AP3B2: variants seen among roughly 807,000 people sequenced by gnomAD.
AP3B2 encodes adaptor related protein complex 3 subunit beta 2, also known as AP-3 complex subunit beta-2.
Under a neutral mutation model 126.9 loss-of-function variants are expected in AP3B2, and 50 were observed. That is an observed-to-expected ratio of 0.39 (90% CI 0.31 to 0.50). AP3B2 has a LOEUF of 0.50. AP3B2 is among the 20% of genes least tolerant of loss of function. AP3B2 has a pLI of 0.79. For missense variants in AP3B2, 1,177 were observed against 1,426.4 expected, an observed-to-expected ratio of 0.83 and a Z score of 2.82; for synonymous variants, 541 against 565.0, an observed-to-expected ratio of 0.96 and a Z score of 0.60.
At chr15:82,678,258 A>G in intron 10 of AP3B2, 91 bp from the exon 11 acceptor site, 1 of 1,240,150 alleles carries the variant, frequency 8.1e-7, no homozygotes, top group Non-Finnish European at 1.2e-6. Context: ...AGACCAGAAA[A>G]CAATCCTCAT....
Position 82,688,787 on chromosome 15 carries a change from C to T in AP3B2, c.309G>A (p.Glu103=), listed in dbSNP as rs142080998. 722 of 1,613,122 alleles carry T rather than the reference C, an allele frequency of 4.5e-4. 8 individuals are homozygous for T. The East Asian group carries it at 0.014, about 32-fold the overall frequency. Residue 103 remains glutamate, a synonymous_variant, in exon 4 of 27, where the codon GAG becomes GAA. Coordinates refer to ENST00000535359, the MANE Select transcript of AP3B2 (RefSeq NM_001278512.2). ...TGGACAGCAGGGCCAGGTCTTGCTG[C>T]TCCTCAGCGTAGCGTACCAGGTACA... The part of the protein sequence containing the change: ...VYVYLVRYAE[E]QQDLALLSIS...
Position 82,665,620 on chromosome 15 carries a change from A to G in AP3B2, c.1853-45T>C. The stretch of plus-strand genomic sequence containing the variant: ...TCAGGCAGGTAGCAGCAGTGAGGGA[A>G]AGCTCTGGGAGCTGTTTTCCAGGTG... On this transcript the variant is annotated intron_variant, in intron 15 of 26. Coordinates refer to ENST00000535359, the MANE Select transcript of AP3B2 (RefSeq NM_001278512.2). This position sits in a 1 kb window ranked among gnomAD's most constrained non-coding sequence, Gnocchi z 4.4. The G allele has an allele frequency of 6.7e-7, 1 of 1,487,296 alleles. No homozygotes were observed. The highest frequency in any genetic ancestry group is 9.3e-7 in the Non-Finnish European group (1 of 1,070,312). 92.1% of individuals were successfully genotyped at this position (1,487,296 alleles called of 1,614,324 possible). A position where few individuals can be genotyped will look rare whatever the true frequency, so the allele number is the denominator to read the frequency against.
chr15:82,671,741 C>CAA (rs33972329), intron 14 of AP3B2, among the ~76,000 whole-genome samples: 60 of 142,430 alleles, frequency 4.2e-4, no homozygotes, highest in African/African-American at 1.3e-3. Flanking sequence ...AACACCATCT[C>CAA]AAAAAAAAAC....
chr15:82,676,643 GT>G lies in AP3B2; in HGVS notation c.1489-7del, dbSNP rs769096492. ...CTGGCTCGGGCCATGGGCACCTGTGGTTGTGGGAGAGGAGTGAAGATGGGTA... is the reference window on the plus strand; with the variant it reads ...CTGGCTCGGGCCATGGGCACCTGTGGTGTGGGAGAGGAGTGAAGATGGGTA... On this transcript the variant is annotated splice_polypyrimidine_tract_variant and splice_region_variant and intron_variant, in intron 13 of 26. Coordinates refer to ENST00000535359, the MANE Select transcript of AP3B2 (RefSeq NM_001278512.2). 1.2e-5 allele frequency: 20 copies of G among 1,613,458 alleles called. No individual in the cohort carries two copies. The Admixed American group carries it at 1.8e-4, about 15-fold the overall frequency.
rs541370772 is a variant in AP3B2 at position 82,669,628 on chromosome 15, G to T, written c.1666-2695C>A. Among the ~76,000 whole-genome samples the T allele has an allele frequency of 6.6e-5, 10 of 150,958 alleles. 1 individual carries two copies. The South Asian group carries it at 1.5e-3, about 22-fold the overall frequency. On this transcript the variant is annotated intron_variant, in intron 14 of 26. Transcript: ENST00000535359. ...AACCGCTTGAACCCGGGAGGTGAAGGTTGCAGTGAGCCAAGATGGCGCCAC... is the reference window on the plus strand; with the variant it reads ...AACCGCTTGAACCCGGGAGGTGAAGTTTGCAGTGAGCCAAGATGGCGCCAC...
intron 1 of AP3B2, among the ~76,000 whole-genome samples, chr15:82,698,433 C>A (rs1263279991): frequency 6.6e-6 from 1 of 151,702 alleles, no homozygotes; most frequent in Non-Finnish European, 1.5e-5. Flanking sequence ...ATCACAAGAC[C>A]TCTCCCCGCT....
chr15:82,670,118 G>GGT lies in AP3B2; in HGVS notation c.1666-3186_1666-3185insAC, dbSNP rs1161980260. Among the ~76,000 whole-genome samples, 5 of 136,330 alleles carry GGT rather than the reference G, an allele frequency of 3.7e-5. 1 individual carries two copies. Among genetic ancestry groups the GGT allele is most frequent in the South Asian group, 2.4e-4 (1 of 4,186 alleles). 89.4% of individuals were successfully genotyped at this position (136,330 alleles called of 152,430 possible). ...TCAGTGGCTTTTTTTTTTTTGGCGG[G>GGT]GGGGGACGAAGATGAAGTCTCGCTC... On this transcript the variant is annotated intron_variant, in intron 14 of 26. Coordinates refer to ENST00000535359, the MANE Select transcript of AP3B2 (RefSeq NM_001278512.2).
rs1259028780 is a variant in AP3B2 at position 82,665,842 on chromosome 15, C to T, written c.1853-267G>A. Among the ~76,000 whole-genome samples, 1 of 152,150 alleles carries T rather than the reference C, an allele frequency of 6.6e-6. No homozygotes were observed. The highest frequency in any genetic ancestry group is 1.5e-5 in the Non-Finnish European group (1 of 68,018). ...GAGGTGGGCAGGAGGAGACTCTGGG[C>T]CCACAGATGCTGCCGACCTGTCTGC... On this transcript the variant is annotated intron_variant, in intron 15 of 26. Transcript: ENST00000535359. The surrounding 1 kb of genome is among the most constrained non-coding windows in gnomAD (Gnocchi z 4.4).
chr15:82,671,151 C>T (rs749411173), intron 14 of AP3B2, among the ~76,000 whole-genome samples: 13 of 152,232 alleles, frequency 8.5e-5, no homozygotes, highest in African/African-American at 2.9e-4. Flanking sequence ...GGCGTGGTGA[C>T]GCACGCCTGT....
intron 14 of AP3B2, among the ~76,000 whole-genome samples, chr15:82,670,202 C>A (rs181468123): frequency 3.3e-5 from 5 of 149,786 alleles, no homozygotes; most frequent in African/African-American, 9.8e-5. Context: ...CTCCGCCTCC[C>A]GGGTTCAAGC....
chr15:82,699,696 GGTCGT>G, intron 1 of AP3B2: 1 of 399,664 alleles, frequency 2.5e-6, no homozygotes, highest in South Asian at 1.3e-4. Flanking sequence ...ATGCTTCTGG[GGTCGT>G]GTCTTCCTCC....
Position 82,662,902 on chromosome 15 carries a change from A to G in AP3B2, c.2625T>C (p.Gly875=). The change falls in exon 23 of 27, where the codon GGT becomes GGC. Residue 875 remains glycine, a synonymous_variant. Coordinates refer to ENST00000535359, the MANE Select transcript of AP3B2 (RefSeq NM_001278512.2). ...GGTGCAGCAGCTCCTGCCGCCCAACACCCGATACTGGACTCAGAAGCTAGA... is the reference window on the plus strand; with the variant it reads ...GGTGCAGCAGCTCCTGCCGCCCAACGCCCGATACTGGACTCAGAAGCTAGA... ...LVPSLLSPVS[G]VGRQELLHRV... is the part of the protein sequence containing the mutation. The G allele has an allele frequency of 6.2e-7, 1 of 1,613,004 alleles. No individual in the cohort carries two copies. The highest frequency in any genetic ancestry group is 8.5e-7 in the Non-Finnish European group (1 of 1,179,714).
chr15:82,684,888 A>G (rs1279056989), intron 4 of AP3B2, among the ~76,000 whole-genome samples: 1 of 152,244 alleles, frequency 6.6e-6, no homozygotes, highest in Admixed American at 6.5e-5. Context: ...AGCCTATCAC[A>G]GCTTTTAACA....
Position 82,663,195 on chromosome 15 carries a change from T to C in AP3B2, c.2536A>G (p.Ile846Val). The C allele has an allele frequency of 6.2e-7, 1 of 1,612,870 alleles. No homozygotes were observed. The highest frequency in any genetic ancestry group is 8.5e-7 in the Non-Finnish European group (1 of 1,179,702). ...PSVQPVSPPA[I>V]VSTSLAADLE... ...TCAGCAGCCAGACTGGTAGACACAA[T>C]TGCTGGGGGAGACACAGGCTGGACA... The change falls in exon 22 of 27, where the codon ATT (isoleucine) becomes GTT (valine). Residue 846 changes from isoleucine (I) to valine (V), a missense_variant. Ile to Val is a conservative substitution (Grantham distance 29, BLOSUM62 3). Transcript: ENST00000535359.
rs753044801 is a variant in AP3B2, at chr15:82,680,211, C to A, written c.1074G>T (p.Val358=). The A allele has an allele frequency of 2.4e-5, 38 of 1,613,496 alleles. No individual in the cohort carries two copies. The South Asian group carries it at 4.0e-4, about 17-fold the overall frequency. ...LRSHSEVQYV[V]LQNVATMSIK... is the part of the protein sequence containing the mutation. ...TGGACATGGTGGCCACGTTCTGGAG[C>A]ACAACGTACTGCACCTCACTGCGGA... Residue 358 remains valine (V), a synonymous_variant, in exon 9 of 27, where the codon GTG becomes GTT. Coordinates refer to ENST00000535359, the MANE Select transcript of AP3B2 (RefSeq NM_001278512.2). The surrounding 1 kb of genome is among the most constrained non-coding windows in gnomAD (Gnocchi z 6.1).
At chr15:82,682,668 A>G (rs2048360297) in intron 4 of AP3B2, among the ~76,000 whole-genome samples, 2 of 151,834 alleles carry the variant, frequency 1.3e-5, no homozygotes, top group Non-Finnish European at 2.9e-5. Flanking sequence ...AGTGAGCTAC[A>G]TATGTTCATG....
intron 1 of AP3B2, among the ~76,000 whole-genome samples, chr15:82,698,172 C>T (rs1025814110): frequency 1.3e-5 from 2 of 151,866 alleles, no homozygotes; most frequent in African/African-American, 4.8e-5. Flanking sequence ...CTACAGGTCC[C>T]GCAGACACTA....
chr15:82,681,624 G>A lies in AP3B2; in HGVS notation c.361-44C>T. On this transcript the variant is annotated intron_variant, in intron 4 of 26. Transcript: ENST00000535359. The surrounding 1 kb of genome is among the most constrained non-coding windows in gnomAD (Gnocchi z 4.0). The stretch of plus-strand genomic sequence containing the variant: ...GCAGAGCTATGAAAGGGCACCAGGT[G>A]CCCTGATGGGGGGAGGCCACACCTT... 6.3e-7 allele frequency: 1 copy of A among 1,593,484 alleles called. No individual in the cohort carries two copies. Among genetic ancestry groups the A allele is most frequent in the Non-Finnish European group, 8.5e-7 (1 of 1,171,452 alleles).
intron 26 of AP3B2, 27 bp from the exon 27 acceptor site, chr15:82,659,737 A>G (rs1567252885): frequency 1.2e-6 from 2 of 1,613,106 alleles, no homozygotes; most frequent in East Asian, 2.2e-5. Context: ...AGGGGTGAGG[A>G]AGAGCTGCTA....
Sources: gnomAD v4.1 joint callset for allele counts (sites outside exome capture counted in the v4.1 genomes callset) on GRCh38, gnomAD v4.1.1 for gene constraint, Gnocchi (gnomAD v3.1) non-coding constraint, MANE v1.5 for transcripts, NCBI Gene and HGNC (gene_info 2026-07-23, HGNC 2026-07-21) for gene names.